UFM1: variants seen among roughly 807,000 people sequenced by gnomAD.
UFM1 encodes the protein ubiquitin-fold modifier 1.
UFM1 carries 9 observed loss-of-function variants against 15.4 expected under a neutral mutation model. The ratio of observed to expected loss-of-function variants is 0.59; its 90% CI spans 0.35 to 1.02. The LOEUF (loss-of-function observed/expected upper bound fraction) is 1.02, where lower values mean the gene tolerates loss of function less well. UFM1 is among the 50% of genes least tolerant of loss of function. UFM1 has a pLI of 0.02. For missense variants in UFM1, 98 were observed against 104.7 expected (o/e 0.94, Z 0.28); for synonymous variants, 27 against 36.3 (o/e 0.74, Z 0.92).
rs548666280 is a variant in UFM1, at chr13:38,361,005, A to G, written c.*227A>G. On this transcript the variant is annotated 3_prime_UTR_variant, in exon 6 of 6. Coordinates refer to ENST00000239878, the MANE Select transcript of UFM1 (RefSeq NM_016617.4). The stretch of plus-strand genomic sequence containing the variant: ...ACAGAAGATCATAGTCTTTGATGCT[A>G]CCTCACAACACAAACAGGTAGTTCG... 7.8e-5 allele frequency: 29 copies of G among 372,540 alleles called. No individual in the cohort carries two copies. In the East Asian group the frequency reaches 1.1e-3, roughly 14 times the overall value. The allele number at this position is 372,540 out of a possible 1,614,324, so 23.1% of individuals were successfully genotyped here. A position where few individuals can be genotyped will look rare whatever the true frequency, so the allele number is the denominator to read the frequency against.
intron 4 of UFM1, among the ~76,000 whole-genome samples, chr13:38,358,511 C>T (rs2485786): frequency 0.84 from 127,408 of 151,696 alleles, 56,799 homozygotes; most frequent in East Asian, 0.99. Flanking sequence ...AAAATTGTTT[C>T]TTGTAGGCTT....
chr13:38,359,478 G>C, intron 5 of UFM1, 145 bp downstream of exon 5: 1 of 762,146 alleles, frequency 1.3e-6, no homozygotes, highest in Non-Finnish European at 2.1e-6. Flanking sequence ...CTTTACCTGT[G>C]TGTCTGAGTA....
chr13:38,358,257 T>C (rs541070904), intron 4 of UFM1, 125 bp downstream of exon 4: 9 of 476,932 alleles, frequency 1.9e-5, no homozygotes, highest in Non-Finnish European at 2.8e-5. Flanking sequence ...AATGATATAC[T>C]TACTGGTAAA....
At chr13:38,359,131 T>C (rs959713022) in intron 4 of UFM1, among the ~76,000 whole-genome samples, 170 bp from the exon 5 acceptor site, 1 of 152,126 alleles carries the variant, frequency 6.6e-6, no homozygotes, top group Non-Finnish European at 1.5e-5. Context: ...TAATAGTAGA[T>C]TTCAACAGAT....
chr13:38,350,036 C>T lies in UFM1; in HGVS notation c.40C>T (p.Pro14Ser). The change falls in exon 2 of 6, where the codon CCA (proline) becomes TCA (serine). Residue 14 changes from proline to serine, a missense_variant. Transcript: ENST00000239878. Reference sequence around the variant, plus strand: ...CTTTAAGATCACGCTGACGTCGGACCCACGGCTGCCGTACAAAGTGTGAGT... The same window carrying T: ...CTTTAAGATCACGCTGACGTCGGACTCACGGCTGCCGTACAAAGTGTGAGT... ...VSFKITLTSD[P>S]RLPYKVLSVP... 1 of 1,614,216 alleles carries T rather than the reference C, an allele frequency of 6.2e-7. No homozygotes were observed. The highest frequency in any genetic ancestry group is 1.3e-5 in the African/African-American group (1 of 75,050).
At chr13:38,358,001 T>C in intron 3 of UFM1, 92 bp from the exon 4 acceptor site, 3 of 552,412 alleles carry the variant, frequency 5.4e-6, no homozygotes, top group Non-Finnish European at 8.6e-6. Context: ...ATAGAATTGG[T>C]ATTTGTACCC....
chr13:38,357,909 A>G (rs1399293830), intron 3 of UFM1, among the ~76,000 whole-genome samples, 184 bp from the exon 4 acceptor site: 2 of 151,800 alleles, frequency 1.3e-5, no homozygotes, highest in African/African-American at 4.8e-5. Flanking sequence ...GCAGAAGAAA[A>G]TCTGCATATG....
In UFM1 at chr13:38,359,288, A is replaced by G. The variant is rs747529684; in HGVS notation, c.158-13A>G. On this transcript the variant is annotated splice_polypyrimidine_tract_variant and intron_variant, in intron 4 of 5. Transcript: ENST00000239878. Reference sequence around the variant, plus strand: ...TAGAAATAATGTATGTGATTTTACAACTTATTTTCTAGATGGAATAGGAAT... The same window carrying G: ...TAGAAATAATGTATGTGATTTTACAGCTTATTTTCTAGATGGAATAGGAAT... The G allele has an allele frequency of 3.1e-6, 5 of 1,606,452 alleles. No homozygotes were observed. The highest frequency in any genetic ancestry group is 4.2e-6 in the Non-Finnish European group (5 of 1,176,532).
At chr13:38,351,221 T>C (rs1397483139) in intron 2 of UFM1, among the ~76,000 whole-genome samples, 1 of 152,182 alleles carries the variant, frequency 6.6e-6, no homozygotes, top group African/African-American at 2.4e-5. Flanking sequence ...TTTTGGTTAG[T>C]GAAACACCAA....
In UFM1 at chr13:38,354,254, A is replaced by G. The variant is rs749474900; in HGVS notation, c.75A>G (p.Glu25=). 149 of 1,609,806 alleles carry G rather than the reference A, an allele frequency of 9.3e-5. 2 individuals carry two copies. The highest frequency in any genetic ancestry group is 8.1e-4 in the South Asian group (73 of 90,616). The change falls in exon 3 of 6, where the codon GAA becomes GAG. Residue 25 remains glutamate (E), a synonymous_variant. Transcript: ENST00000239878. The stretch of plus-strand genomic sequence containing the variant: ...CTTCTTGCAGACTCAGTGTTCCTGA[A>G]AGTACACCTTTCACAGCAGTCTTAA... ...RLPYKVLSVP[E]STPFTAVLKF...
Position 38,363,364 on chromosome 13 carries a change from A to G in UFM1, c.*2586A>G, listed in dbSNP as rs190472581. The G allele has an allele frequency of 3.3e-5, 5 of 152,300 alleles. No homozygotes were observed. Among genetic ancestry groups the G allele is most frequent in the African/African-American group, 7.2e-5 (3 of 41,542 alleles). The allele number at this position is 152,300 out of a possible 1,614,324, so 9.4% of individuals were successfully genotyped here. On this transcript the variant is annotated 3_prime_UTR_variant, in exon 6 of 6. Coordinates refer to ENST00000239878, the MANE Select transcript of UFM1 (RefSeq NM_016617.4). ...CCTAAGTTTGTAGTAGGTGACATCA[A>G]CTAGGTTTGTACAAGTACATTCTGA...
intron 4 of UFM1, among the ~76,000 whole-genome samples, chr13:38,358,408 G>GTTT (rs11381230): frequency 1.3e-5 from 2 of 148,702 alleles, no homozygotes. Context: ...TATTTAGCAA[G>GTTT]TTTTTTTTTT....
chr13:38,352,090 TTTTC>T (rs1224895711), intron 2 of UFM1, among the ~76,000 whole-genome samples: 139 of 141,288 alleles, frequency 9.8e-4, no homozygotes, highest in African/African-American at 3.3e-3. Context: ...GTTTGTTTTT[TTTTC>T]TTTCTTTCTT....
At position 38,360,920 on chromosome 13, in the gene UFM1, T is replaced by C; in HGVS notation, c.*142T>C. ...ATGAAAGGTGACTCATCTGTCCCTT[T>C]TTGTTGTCCATACTCTTCCTATGAA... On this transcript the variant is annotated 3_prime_UTR_variant, in exon 6 of 6. Coordinates refer to ENST00000239878, the MANE Select transcript of UFM1 (RefSeq NM_016617.4). 1 of 646,962 alleles carries C rather than the reference T, an allele frequency of 1.5e-6. No individual in the cohort carries two copies. Among genetic ancestry groups the C allele is most frequent in the East Asian group, 2.9e-5 (1 of 34,928 alleles). The allele number at this position is 646,962 out of a possible 1,614,324, so 40.1% of individuals were successfully genotyped here. A position where few individuals can be genotyped will look rare whatever the true frequency, so the allele number is the denominator to read the frequency against.
At chr13:38,350,177 C>A (rs768772362) in intron 2 of UFM1, 122 bp downstream of exon 2, 2 of 1,613,912 alleles carry the variant, frequency 1.2e-6, no homozygotes, top group Non-Finnish European at 8.5e-7. Flanking sequence ...CATCTACTTT[C>A]CTGGCTCGCG....
At chr13:38,351,839 G>A (rs1878867744) in intron 2 of UFM1, among the ~76,000 whole-genome samples, 1 of 152,168 alleles carries the variant, frequency 6.6e-6, no homozygotes, top group Admixed American at 6.5e-5. Context: ...GTGTGCGTGT[G>A]TAGTTGTGTG....
intron 2 of UFM1, 126 bp downstream of exon 2, chr13:38,350,181 G>A (rs770891635): frequency 1.2e-6 from 2 of 1,613,636 alleles, no homozygotes; most frequent in Non-Finnish European, 8.5e-7. Flanking sequence ...TACTTTCCTG[G>A]CTCGCGCCCT....
intron 3 of UFM1, among the ~76,000 whole-genome samples, chr13:38,356,482 A>G (rs1019227527): frequency 1.3e-5 from 2 of 152,010 alleles, no homozygotes; most frequent in African/African-American, 4.8e-5. Flanking sequence ...ACAAGAGTGT[A>G]CCACATTGAG....
intron 2 of UFM1, 59 bp downstream of exon 2, chr13:38,350,114 G>A: frequency 1.2e-6 from 2 of 1,614,218 alleles, no homozygotes; most frequent in Non-Finnish European, 1.7e-6. Context: ...CTGGGTTGGG[G>A]ATGATCCGAG....
Sources: gnomAD v4.1 joint callset for allele counts (sites outside exome capture counted in the v4.1 genomes callset) on GRCh38, gnomAD v4.1.1 for gene constraint, MANE v1.5 for transcripts, NCBI Gene and HGNC (gene_info 2026-07-23, HGNC 2026-07-21) for gene names.